The following LGMN variants were observed in gnomAD, a reference collection of about 807,000 sequenced individuals.
The protein encoded by LGMN is asparaginyl endopeptidase.
In LGMN, 36 loss-of-function variants were observed where a neutral mutation model predicts 56.8. The observed-to-expected ratio is 0.63, with a 90% confidence interval of 0.49 to 0.84. The LOEUF (loss-of-function observed/expected upper bound fraction) is 0.84, where lower values mean the gene tolerates loss of function less well. Among genes scored for constraint, LGMN ranks in the 40% least tolerant of loss-of-function variants. The pLI is 0.00. For synonymous variants in LGMN, 199 were observed against 210.1 expected (o/e 0.95, Z 0.46); for missense variants, 446 against 556.1 (o/e 0.80, Z 1.99).
intron 4 of LGMN, among the ~76,000 whole-genome samples, chr14:92,716,659 AT>A (rs2140225294): frequency 6.6e-6 from 1 of 152,232 alleles, no homozygotes; most frequent in Admixed American, 6.5e-5. Context: ...TACAGAAACA[AT>A]TTCATTAAAT....
rs1890702441 is a variant in LGMN, at chr14:92,725,598, CA to C, written c.139-6755del. On this transcript the variant is annotated intron_variant, in intron 2 of 13. Transcript: ENST00000334869. ...TTTCTTTTTCTTTTTTTTTTGGAGA[CA>C]GAGTCTCACTCTGTCACCCAGGCTG... is the stretch of plus-strand genomic sequence containing the variant. 2.0e-5 allele frequency among the ~76,000 whole-genome samples: 3 copies of C among 151,368 alleles called. No homozygotes were observed. The South Asian group carries it at 6.3e-4, about 32-fold the overall frequency.
chr14:92,703,828 C>CT lies in LGMN; in HGVS notation c.*490dup, dbSNP rs1889277198. ...TGAATATTTGGGTTCTGTTATAAAT[C>CT]TTTATTTTTTAAGACTTGAACACCT... On this transcript the variant is annotated 3_prime_UTR_variant, in exon 14 of 14. Transcript: ENST00000334869. The CT allele has an allele frequency of 3.1e-6, 1 of 321,398 alleles. No individual in the cohort carries two copies. Among genetic ancestry groups the CT allele is most frequent in the African/African-American group, 2.2e-5 (1 of 44,530 alleles). The allele number at this position is 321,398 out of a possible 1,614,324, so 19.9% of individuals were successfully genotyped here.
intron 2 of LGMN, among the ~76,000 whole-genome samples, chr14:92,728,998 G>C (rs1264624099): frequency 1.3e-5 from 2 of 152,166 alleles, no homozygotes; most frequent in Non-Finnish European, 2.9e-5. Context: ...CAGCACTGCA[G>C]AGCAGGTGGG....
At chr14:92,739,017 C>CAA (rs771147697) in intron 1 of LGMN, among the ~76,000 whole-genome samples, 11 of 72,638 alleles carry the variant, frequency 1.5e-4, no homozygotes, top group Non-Finnish European at 2.3e-4. Context: ...GACTCTGTCT[C>CAA]AAAAAAAAAA....
At chr14:92,731,750 A>G (rs541279553) in intron 2 of LGMN, among the ~76,000 whole-genome samples, 8 of 152,350 alleles carry the variant, frequency 5.3e-5, no homozygotes, top group African/African-American at 1.9e-4. Flanking sequence ...CAATACTGCT[A>G]TGAACAGTCA....
At chr14:92,732,609 C>T in intron 2 of LGMN, 40 bp downstream of exon 2, 1 of 1,604,368 alleles carries the variant, frequency 6.2e-7, no homozygotes, top group Non-Finnish European at 8.5e-7. Context: ...TTTCAGAATG[C>T]CAGTGTCCTT....
chr14:92,728,387 G>A (rs547954194), intron 2 of LGMN, among the ~76,000 whole-genome samples: 4 of 152,176 alleles, frequency 2.6e-5, no homozygotes, highest in East Asian at 3.8e-4. Flanking sequence ...TTGTTATAAC[G>A]CTCAGATGGT....
At position 92,732,741 on chromosome 14, in the gene LGMN, CA is replaced by C. The variant is rs1566933133; in HGVS notation, c.45del (p.Ile15MetfsTer6). 6.2e-7 allele frequency: 1 copy of C among 1,614,196 alleles called. No individual in the cohort carries two copies. Among genetic ancestry groups the C allele is most frequent in the Admixed American group, 1.7e-5 (1 of 60,014 alleles). Reference protein sequence around the residue: ...VAVFLSVALGIGAVPIDDPED... With the variant: ...VAVFLSVALGXGAVPIDDPED... ...TCAGGATCATCTATAGGAACGGCAC[CA>C]ATGCCCAGGGCCACACTGAGGAATA... On this transcript the variant is annotated frameshift_variant, in exon 2 of 14. Coordinates refer to ENST00000334869, the MANE Select transcript of LGMN (RefSeq NM_005606.7). LOFTEE classifies it high-confidence loss of function.
chr14:92,748,314 C>T (rs1891905526), intron 1 of LGMN, among the ~76,000 whole-genome samples, 175 bp downstream of exon 1: 1 of 152,162 alleles, frequency 6.6e-6, no homozygotes, highest in African/African-American at 2.4e-5. Context: ...TCCCTTCCCT[C>T]GGGATTCACT....
intron 5 of LGMN, chr14:92,715,751 G>C (rs775979465): frequency 6.3e-6 from 1 of 159,842 alleles, no homozygotes; most frequent in Admixed American, 6.0e-5. Context: ...CCGCTGGGCT[G>C]ATCTGTGATC....
At position 92,713,067 on chromosome 14, in the gene LGMN, G is replaced by A. The variant is rs573845918; in HGVS notation, c.544-196C>T. On this transcript the variant is annotated intron_variant, in intron 7 of 13. Coordinates refer to ENST00000334869, the MANE Select transcript of LGMN (RefSeq NM_005606.7). ...CCACACAAATTTATTCATTGCTAAT[G>A]GAATAAAATCGTCTAGTAGCTGAAA... Among the ~76,000 whole-genome samples, 5 of 152,160 alleles carry A rather than the reference G, an allele frequency of 3.3e-5. No individual in the cohort carries two copies. In the South Asian group the frequency reaches 8.3e-4, roughly 25 times the overall value.
intron 1 of LGMN, among the ~76,000 whole-genome samples, chr14:92,738,138 C>T (rs767614154): frequency 5.9e-5 from 9 of 152,166 alleles, no homozygotes; most frequent in African/African-American, 9.7e-5. Context: ...ACACCACCTA[C>T]TTATCCACCT....
chr14:92,726,413 CTCAAATATCTACTA>C (rs1476698924), intron 2 of LGMN, among the ~76,000 whole-genome samples: 1 of 152,110 alleles, frequency 6.6e-6, no homozygotes, highest in Non-Finnish European at 1.5e-5. Flanking sequence ...CCCACAAAAC[CTCAAATATCTACTA>C]TCTGGCCCTT....
chr14:92,719,311 ACCGCCGCCGCCG>A (rs1212696403), intron 2 of LGMN, among the ~76,000 whole-genome samples: 98 of 77,276 alleles, frequency 1.3e-3, no homozygotes, highest in African/African-American at 6.1e-3. Flanking sequence ...CACCGCCGCC[ACCGCCGCCGCCG>A]CCACCGCCAC....
Position 92,706,756 on chromosome 14 carries a change from C to A in LGMN, c.1021-103G>T, listed in dbSNP as rs1302281289. 3.9e-6 allele frequency: 4 copies of A among 1,034,872 alleles called. No homozygotes were observed. In the African/African-American group the frequency reaches 6.4e-5, roughly 17 times the overall value. The allele number at this position is 1,034,872 out of a possible 1,614,324, so 64.1% of individuals were successfully genotyped here. ...ATTCAAAGGCTACTCTCCACACAGC[C>A]CTCAGCCTCCCGCAGGTTAGAGGAA... On this transcript the variant is annotated intron_variant, in intron 11 of 13. Coordinates refer to ENST00000334869, the MANE Select transcript of LGMN (RefSeq NM_005606.7).
rs750400126 is a variant in LGMN, at chr14:92,712,821, C to G, written c.594G>C (p.Leu198=). The G allele has an allele frequency of 1.2e-6, 2 of 1,613,920 alleles. No homozygotes were observed. Among genetic ancestry groups the G allele is most frequent in the Non-Finnish European group, 1.7e-6 (2 of 1,179,942 alleles). ...ACESGSMMNH[L]PDNINVYATT... Reference sequence around the variant, plus strand: ...ACCACCTACCATTGATGTTATCCGGCAGGTGGTTCATCATGGACCCAGACT... The same window carrying G: ...ACCACCTACCATTGATGTTATCCGGGAGGTGGTTCATCATGGACCCAGACT... The change falls in exon 8 of 14, where the codon CTG becomes CTC. Residue 198 remains leucine (L), a synonymous_variant. Transcript: ENST00000334869.
intron 2 of LGMN, among the ~76,000 whole-genome samples, chr14:92,723,915 A>G (rs2140243912): frequency 6.6e-6 from 1 of 152,238 alleles, no homozygotes; most frequent in South Asian, 2.1e-4. Context: ...TATTTTTAGT[A>G]GAAATTGGGT....
Position 92,704,637 on chromosome 14 carries a change from T to C in LGMN, c.1259+3A>G. The C allele has an allele frequency of 6.2e-7, 1 of 1,608,780 alleles. No individual in the cohort carries two copies. The highest frequency in any genetic ancestry group is 8.5e-7 in the Non-Finnish European group (1 of 1,175,152). On this transcript the variant is annotated splice_donor_region_variant and intron_variant, in intron 13 of 13. Transcript: ENST00000334869. ...TTTCAAGCGTCACCGCTGCATTAGT[T>C]ACCTGTGAAGCGGATACGGCTTCTC...
At chr14:92,704,882 A>G in intron 12 of LGMN, 175 bp from the exon 13 acceptor site, 1 of 590,732 alleles carries the variant, frequency 1.7e-6, no homozygotes, top group South Asian at 1.9e-5. Context: ...ATCCCTCAGG[A>G]AAGAGGCACA....
Sources: gnomAD v4.1 joint callset for allele counts (sites outside exome capture counted in the v4.1 genomes callset) on GRCh38, gnomAD v4.1.1 for gene constraint, MANE v1.5 for transcripts, NCBI Gene and HGNC (gene_info 2026-07-23, HGNC 2026-07-21) for gene names.